The following FILIP1 variants were observed in gnomAD, a reference collection of about 807,000 sequenced individuals.
FILIP1 encodes the protein filamin-A-interacting protein 1.
Under a neutral mutation model 102.1 loss-of-function variants are expected in FILIP1, and 61 were observed. The observed-to-expected ratio is 0.60, with a 90% CI of 0.49 to 0.74. The LOEUF (loss-of-function observed/expected upper bound fraction) is 0.74. Ranked by LOEUF, FILIP1 falls within the 30% of genes least tolerant of loss-of-function variation. The probability of loss-of-function intolerance (pLI) is 0.00; values close to 1 mark genes in which losing one functional copy is unlikely to be tolerated. For missense variants in FILIP1, 1,314 were observed against 1,441.2 expected, an observed-to-expected ratio of 0.91 and a Z score of 1.43; for synonymous variants, 491 against 526.9, an observed-to-expected ratio of 0.93 and a Z score of 0.93.
intron 4 of FILIP1, among the ~76,000 whole-genome samples, chr6:75,351,214 C>T (rs1186041489): frequency 6.6e-6 from 1 of 152,136 alleles, no homozygotes; most frequent in Admixed American, 6.6e-5. Flanking sequence ...CAGGTGCACA[C>T]CACCATGCCC....
At chr6:75,389,640 A>T (rs1776217306) in intron 2 of FILIP1, among the ~76,000 whole-genome samples, 1 of 151,970 alleles carries the variant, frequency 6.6e-6, no homozygotes, top group Admixed American at 6.6e-5. Flanking sequence ...TTTCCTCTAG[A>T]TTTTCTAGTT....
chr6:75,434,871 T>C (rs1777958632), intron 1 of FILIP1, among the ~76,000 whole-genome samples: 1 of 152,230 alleles, frequency 6.6e-6, no homozygotes, highest in East Asian at 1.9e-4. Flanking sequence ...CATCAATACC[T>C]AGTTTGTTGA....
chr6:75,353,210 A>G (rs987369344), intron 4 of FILIP1, among the ~76,000 whole-genome samples: 1 of 152,112 alleles, frequency 6.6e-6, no homozygotes, highest in East Asian at 1.9e-4. Flanking sequence ...TATAATAAAA[A>G]ATAAATAAAA....
At chr6:75,312,252 T>C in intron 5 of FILIP1, 145 bp downstream of exon 5, 2 of 771,748 alleles carry the variant, frequency 2.6e-6, no homozygotes, top group Non-Finnish European at 4.1e-6. Flanking sequence ...GTTCTCAGTG[T>C]GGATGGTCCT....
intron 1 of FILIP1, among the ~76,000 whole-genome samples, chr6:75,459,128 T>A (rs1373979581): frequency 6.6e-6 from 1 of 152,180 alleles, no homozygotes; most frequent in East Asian, 1.9e-4. Flanking sequence ...GCCAAGATAA[T>A]CTAATGACCT....
intron 2 of FILIP1, among the ~76,000 whole-genome samples, chr6:75,403,998 A>T (rs932188542): frequency 6.6e-6 from 1 of 152,152 alleles, no homozygotes; most frequent in African/African-American, 2.4e-5. Context: ...AGATTTAGCC[A>T]ATGTCCTAAC....
chr6:75,461,786 A>T (rs903735044), intron 1 of FILIP1, among the ~76,000 whole-genome samples: 4 of 152,210 alleles, frequency 2.6e-5, no homozygotes, highest in African/African-American at 9.6e-5. Flanking sequence ...GCAAACATTC[A>T]AGAATTCTTA....
chr6:75,299,422 C>G (rs1176700259), intron 6 of FILIP1, among the ~76,000 whole-genome samples: 1 of 152,154 alleles, frequency 6.6e-6, no homozygotes, highest in Non-Finnish European at 1.5e-5. Context: ...TAATTACCAC[C>G]TCTGTCAGCA....
At position 75,313,701 on chromosome 6, in the gene FILIP1, G is replaced by A. The variant is rs776455963; in HGVS notation, c.2131C>T (p.Arg711Trp). 4 of 1,562,286 alleles carry A rather than the reference G, an allele frequency of 2.6e-6. No individual in the cohort carries two copies. Among genetic ancestry groups the A allele is most frequent in the East Asian group, 4.5e-5 (2 of 44,646 alleles). Residue 711 changes from arginine (R) to tryptophan (W), a missense_variant, in exon 5 of 6, where the codon CGG becomes TGG. This residue lies in a region of FILIP1 where 816 missense variants were observed against 913.1 expected (regional missense o/e 0.89). Transcript: ENST00000237172. This position sits in a 1 kb window ranked among gnomAD's most constrained non-coding sequence, Gnocchi z 4.2. ...TCTCGACTTTTAGCTTCTTCCAACC[G>A]AAATCTGTGTCTCAGTTCAGCTTCC... ...SQEAELRHRF[R>W]LEEAKSRDLK...
chr6:75,408,606 G>A (rs529253912), intron 2 of FILIP1, among the ~76,000 whole-genome samples: 17 of 152,248 alleles, frequency 1.1e-4, no homozygotes, highest in South Asian at 6.2e-4. Flanking sequence ...TGTCTACAGC[G>A]TCCAAAATGT....
At chr6:75,348,780 T>C (rs1232589023) in intron 4 of FILIP1, among the ~76,000 whole-genome samples, 1 of 152,172 alleles carries the variant, frequency 6.6e-6, no homozygotes, top group African/African-American at 2.4e-5. Flanking sequence ...TGTATGCTAT[T>C]CAGATTCAAC....
intron 1 of FILIP1, among the ~76,000 whole-genome samples, chr6:75,448,975 G>A (rs1401289617): frequency 6.6e-6 from 1 of 152,108 alleles, no homozygotes; most frequent in Admixed American, 6.5e-5. Flanking sequence ...CCACTACTGG[G>A]TATCTACCCA....
At chr6:75,321,388 G>A (rs1047789513) in intron 4 of FILIP1, among the ~76,000 whole-genome samples, 4 of 152,154 alleles carry the variant, frequency 2.6e-5, no homozygotes, top group African/African-American at 7.2e-5. Flanking sequence ...GGAAACATGC[G>A]ATCATTTTGT....
chr6:75,317,238 A>G (rs1458347562), intron 4 of FILIP1, among the ~76,000 whole-genome samples: 2 of 152,202 alleles, frequency 1.3e-5, no homozygotes, highest in African/African-American at 4.8e-5. Context: ...TAACCCATTT[A>G]TGCTGGAGGT....
At position 75,405,860 on chromosome 6, in the gene FILIP1, G is replaced by C. The variant is rs568814461; in HGVS notation, c.276+8837C>G. On this transcript the variant is annotated intron_variant, in intron 2 of 5. Coordinates refer to ENST00000237172, the MANE Select transcript of FILIP1 (RefSeq NM_015687.5). ...TAGGTAATCGGAATGAGACAGGGTG[G>C]AGCAGATAATCGAAAAAGCTTGCTT... Among the ~76,000 whole-genome samples the C allele has an allele frequency of 3.9e-5, 6 of 152,272 alleles. No homozygotes were observed. The South Asian group carries it at 1.2e-3, about 32-fold the overall frequency.
intron 1 of FILIP1, among the ~76,000 whole-genome samples, chr6:75,466,244 A>G (rs1232415197): frequency 1.3e-5 from 2 of 152,130 alleles, no homozygotes; most frequent in African/African-American, 4.8e-5. Flanking sequence ...CACTTGTGAT[A>G]TGATTTACTT....
intron 1 of FILIP1, among the ~76,000 whole-genome samples, chr6:75,450,493 T>C (rs1778591150): frequency 6.6e-6 from 1 of 151,422 alleles, no homozygotes; most frequent in South Asian, 2.1e-4. Flanking sequence ...TTTAAAAAAT[T>C]AAAAAATTAG....
At chr6:75,431,578 C>T (rs1457467339) in intron 1 of FILIP1, among the ~76,000 whole-genome samples, 1 of 152,172 alleles carries the variant, frequency 6.6e-6, no homozygotes, top group East Asian at 1.9e-4. Flanking sequence ...TTGAGTCGTT[C>T]ATATGCTGTC....
At chr6:75,339,798 T>C (rs1774361102) in intron 4 of FILIP1, among the ~76,000 whole-genome samples, 1 of 151,780 alleles carries the variant, frequency 6.6e-6, no homozygotes. Flanking sequence ...AAATACACCA[T>C]TTAGCCAGGC....
Sources: allele counts gnomAD v4.1 joint callset (sites outside exome capture counted in the v4.1 genomes callset), GRCh38; gene constraint gnomAD v4.1.1; regional missense constraint gnomAD v4.1.1; non-coding constraint Gnocchi (gnomAD v3.1); transcripts MANE v1.5; gene names NCBI Gene and HGNC (gene_info 2026-07-23, HGNC 2026-07-21).